The following ITGA9 variants were observed in gnomAD, a reference collection of about 807,000 sequenced individuals.
ITGA9 encodes integrin alpha-9.
ITGA9 carries 56 observed loss-of-function variants against 127.8 expected under a neutral mutation model. The observed-to-expected ratio is 0.44, with a 90% CI of 0.35 to 0.55. The LOEUF (loss-of-function observed/expected upper bound fraction) is 0.55. ITGA9 is among the 20% of genes least tolerant of loss of function. The pLI, the probability that ITGA9 is intolerant of heterozygous loss-of-function variation, is 0.00. For synonymous variants in ITGA9, 508 were observed against 514.5 expected, an observed-to-expected ratio of 0.99 and a Z score of 0.17; for missense variants, 1,196 against 1,347.1, an observed-to-expected ratio of 0.89 and a Z score of 1.76.
At chr3:37,587,456 G>T (rs867978999) in intron 15 of ITGA9, among the ~76,000 whole-genome samples, 5 of 152,140 alleles carry the variant, frequency 3.3e-5, no homozygotes, top group Non-Finnish European at 4.4e-5. Context: ...TGAATCAATT[G>T]TTATCAGATG....
chr3:37,717,423 G>A (rs887811989), intron 18 of ITGA9, among the ~76,000 whole-genome samples: 14 of 152,128 alleles, frequency 9.2e-5, no homozygotes, highest in South Asian at 2.1e-4. Context: ...CTGCTATAAC[G>A]AACTACCCGA....
intron 16 of ITGA9, among the ~76,000 whole-genome samples, chr3:37,649,105 A>G (rs904419663): frequency 6.7e-6 from 1 of 149,312 alleles, no homozygotes; most frequent in African/African-American, 2.5e-5. Flanking sequence ...AGGAATCAAA[A>G]CCTATCGATA....
At chr3:37,473,322 A>C in intron 2 of ITGA9, 32 bp from the exon 3 acceptor site, 1 of 1,581,204 alleles carries the variant, frequency 6.3e-7, no homozygotes, top group Non-Finnish European at 8.7e-7. Context: ...TCACTCCTCA[A>C]CCCAAGTCTG....
intron 7 of ITGA9, among the ~76,000 whole-genome samples, chr3:37,507,826 C>T (rs1698861130): frequency 1.3e-5 from 2 of 152,126 alleles, no homozygotes; most frequent in Admixed American, 6.5e-5. Context: ...TTCCTTATCT[C>T]ATGGGAAGGT....
At chr3:37,643,168 A>G (rs559442632) in intron 16 of ITGA9, among the ~76,000 whole-genome samples, 7 of 152,304 alleles carry the variant, frequency 4.6e-5, no homozygotes, top group East Asian at 1.9e-4. Context: ...AGGAGGGGAA[A>G]GGGGTGTTAG....
chr3:37,700,097 C>T (rs1271395114), intron 18 of ITGA9, among the ~76,000 whole-genome samples: 1 of 151,466 alleles, frequency 6.6e-6, no homozygotes, highest in Non-Finnish European at 1.5e-5. Flanking sequence ...AATTCTCCTC[C>T]TCAACCTCCC....
intron 12 of ITGA9, among the ~76,000 whole-genome samples, 172 bp from the exon 13 acceptor site, chr3:37,525,854 G>A (rs747944521): frequency 9.2e-5 from 14 of 152,160 alleles, no homozygotes; most frequent in Admixed American, 3.3e-4. Context: ...TGGCTGCCAC[G>A]TCAGAGAGTG....
intron 18 of ITGA9, among the ~76,000 whole-genome samples, chr3:37,729,700 CTTTTTT>C (rs34875348): frequency 1.2e-5 from 1 of 84,122 alleles, no homozygotes; most frequent in Non-Finnish European, 2.3e-5. Flanking sequence ...TTTTTGATTT[CTTTTTT>C]TTTTTTTTTT....
rs142900005 is a variant in ITGA9 at position 37,553,685 on chromosome 3, C to T, written c.1689+11100C>T. ...TATGAAAGTACGATAGCTTGCTCAC[C>T]ACCTCTCTCCTCTGCTCCTGGGAGC... is the stretch of plus-strand genomic sequence containing the variant. On this transcript the variant is annotated intron_variant, in intron 15 of 27. Coordinates refer to ENST00000264741, the MANE Select transcript of ITGA9 (RefSeq NM_002207.3). Among the ~76,000 whole-genome samples, 1,236 of 152,304 alleles carry T rather than the reference C, an allele frequency of 8.1e-3. 20 individuals are homozygous for T. The highest frequency in any genetic ancestry group is 0.027 in the African/African-American group (1,142 of 41,568).
chr3:37,608,272 T>C (rs1699986942), intron 15 of ITGA9, among the ~76,000 whole-genome samples: 1 of 152,200 alleles, frequency 6.6e-6, no homozygotes, highest in Non-Finnish European at 1.5e-5. Flanking sequence ...AAAGTGTTAA[T>C]AATTTACCCA....
At chr3:37,654,710 A>G (rs1167286331) in intron 17 of ITGA9, among the ~76,000 whole-genome samples, 2 of 152,158 alleles carry the variant, frequency 1.3e-5, no homozygotes, top group Middle Eastern at 3.2e-3. Flanking sequence ...TTTTATTGTT[A>G]TACTTTAAGT....
chr3:37,780,532 GTGTATA>G (rs1696964173), intron 25 of ITGA9, among the ~76,000 whole-genome samples: 4 of 19,906 alleles, frequency 2.0e-4, no homozygotes, highest in South Asian at 4.1e-3. Context: ...GTGTGTGTGT[GTGTATA>G]TATATATATA....
intron 15 of ITGA9, among the ~76,000 whole-genome samples, chr3:37,588,028 G>T (rs906598651): frequency 6.6e-6 from 1 of 152,206 alleles, no homozygotes; most frequent in African/African-American, 2.4e-5. Context: ...AAGGGAGAGG[G>T]ATCAGCTCTT....
chr3:37,634,024 A>T (rs1700253456), intron 16 of ITGA9, among the ~76,000 whole-genome samples: 1 of 152,246 alleles, frequency 6.6e-6, no homozygotes, highest in Non-Finnish European at 1.5e-5. Context: ...GTGATAAAAT[A>T]ACCAGTTATA....
rs149963904 is a variant in ITGA9, at chr3:37,686,169, C to T, written c.2067+2154C>T. ...TATACACCAGGGACTTTTTGCATCTCGTCCGCATCCCCTCTTCACTGCATG... is the reference window on the plus strand; with the variant it reads ...TATACACCAGGGACTTTTTGCATCTTGTCCGCATCCCCTCTTCACTGCATG... On this transcript the variant is annotated intron_variant, in intron 18 of 27. Coordinates refer to ENST00000264741, the MANE Select transcript of ITGA9 (RefSeq NM_002207.3). Among the ~76,000 whole-genome samples, 719 of 152,202 alleles carry T rather than the reference C, an allele frequency of 4.7e-3. 10 individuals carry two copies. Among genetic ancestry groups the T allele is most frequent in the South Asian group, 0.03 (145 of 4,812 alleles).
intron 18 of ITGA9, among the ~76,000 whole-genome samples, chr3:37,730,752 A>G (rs887560264): frequency 2.0e-5 from 3 of 152,224 alleles, no homozygotes; most frequent in Admixed American, 6.5e-5. Context: ...CTTGCCATCC[A>G]TGAGTGTTTG....
At chr3:37,510,177 T>A (rs1698887314) in intron 8 of ITGA9, among the ~76,000 whole-genome samples, 1 of 135,014 alleles carries the variant, frequency 7.4e-6, no homozygotes, top group Non-Finnish European at 1.7e-5. Flanking sequence ...AATTTTTGTA[T>A]TTTTTTTTGT....
At position 37,629,084 on chromosome 3, in the gene ITGA9, T is replaced by A. The variant is rs1271334922; in HGVS notation, c.1690-103T>A. On this transcript the variant is annotated intron_variant, in intron 15 of 27. Coordinates refer to ENST00000264741, the MANE Select transcript of ITGA9 (RefSeq NM_002207.3). This position sits in a 1 kb window ranked among gnomAD's most constrained non-coding sequence, Gnocchi z 4.5. ...TACCTCACGAGGGTGATTGTGAGGA[T>A]TATATGAGGCAATTCATGTAGAAGG... is the stretch of plus-strand genomic sequence containing the variant. 18 of 1,339,274 alleles carry A rather than the reference T, an allele frequency of 1.3e-5. No individual in the cohort carries two copies. Among genetic ancestry groups the A allele is most frequent in the Non-Finnish European group, 1.9e-5 (18 of 934,316 alleles). 83.0% of individuals were successfully genotyped at this position (1,339,274 alleles called of 1,614,324 possible).
At position 37,505,989 on chromosome 3, in the gene ITGA9, A is replaced by G. The variant is rs1698837251; in HGVS notation, c.743-11A>G. 1.3e-6 allele frequency: 2 copies of G among 1,593,380 alleles called. No homozygotes were observed. The highest frequency in any genetic ancestry group is 2.3e-5 in the South Asian group (2 of 87,752). On this transcript the variant is annotated splice_polypyrimidine_tract_variant and intron_variant, in intron 6 of 27. Transcript: ENST00000264741. ...TCAACCGTGTGCTTGGTTTCCGCCC[A>G]TCCTGTTCAGGCTACGCAGTGACCG...
Sources: allele counts gnomAD v4.1 joint callset (sites outside exome capture counted in the v4.1 genomes callset), GRCh38; gene constraint gnomAD v4.1.1; non-coding constraint Gnocchi (gnomAD v3.1); transcripts MANE v1.5; gene names NCBI Gene and HGNC (gene_info 2026-07-23, HGNC 2026-07-21).